The following WDR70 variants were observed in gnomAD, a reference collection of about 807,000 sequenced individuals.
WDR70 encodes the protein WD repeat domain 70.
A neutral mutation model predicts 88.6 loss-of-function variants in WDR70; 53 were observed. The ratio of observed to expected loss-of-function variants is 0.60; its 90% CI spans 0.48 to 0.75. WDR70 has a LOEUF of 0.75. Among genes scored for constraint, WDR70 ranks in the 30% least tolerant of loss-of-function variants. WDR70 has a pLI of 0.00. For synonymous variants in WDR70, 280 were observed against 270.0 expected (o/e 1.04, Z -0.36); for missense variants, 610 against 823.2 (o/e 0.74, Z 3.17).
intron 13 of WDR70, 55 bp from the exon 14 acceptor site, chr5:37,721,059 AT>A: frequency 6.8e-7 from 1 of 1,472,242 alleles, no homozygotes; most frequent in Non-Finnish European, 9.5e-7. Flanking sequence ...TACCAGCAGG[AT>A]TGTTTCCATT....
chr5:37,562,722 T>C (rs1358270270), intron 9 of WDR70, among the ~76,000 whole-genome samples: 3 of 152,116 alleles, frequency 2.0e-5, no homozygotes, highest in South Asian at 4.1e-4. Context: ...CATTCAACCC[T>C]GAGTGGACAC....
At chr5:37,625,204 T>A (rs573323764) in intron 10 of WDR70, among the ~76,000 whole-genome samples, 2 of 152,304 alleles carry the variant, frequency 1.3e-5, no homozygotes, top group South Asian at 4.1e-4. Flanking sequence ...GTATACTTAG[T>A]AGTAGCCTTG....
At chr5:37,679,579 C>G (rs1416257056) in intron 10 of WDR70, among the ~76,000 whole-genome samples, 1 of 152,188 alleles carries the variant, frequency 6.6e-6, no homozygotes, top group African/African-American at 2.4e-5. Flanking sequence ...GCTATCTGAT[C>G]GTTCCTCTGG....
At chr5:37,672,639 T>C (rs1290073085) in intron 10 of WDR70, among the ~76,000 whole-genome samples, 1 of 152,182 alleles carries the variant, frequency 6.6e-6, no homozygotes, top group Non-Finnish European at 1.5e-5. Context: ...ATTTTCCTGC[T>C]GACCTTCTCC....
At chr5:37,693,244 A>G (rs1045059861) in intron 10 of WDR70, among the ~76,000 whole-genome samples, 1 of 152,268 alleles carries the variant, frequency 6.6e-6, no homozygotes, top group African/African-American at 2.4e-5. Flanking sequence ...TTCCATGCTC[A>G]TGGATAGGAA....
At chr5:37,707,939 AAAAAAAAAAATATATATATATATATATAT>A (rs1747390535) in intron 13 of WDR70, among the ~76,000 whole-genome samples, 2 of 35,520 alleles carry the variant, frequency 5.6e-5, no homozygotes, top group East Asian at 8.0e-4. Flanking sequence ...AAAAAAAAAA[AAAAAAAAAAATATATATATATATATATAT>A]ATATATATAT....
rs373469725 is a variant in WDR70 at position 37,471,186 on chromosome 5, G to A, written c.687-8648G>A. The stretch of plus-strand genomic sequence containing the variant: ...TGTGAGCCACTGCACCAGCCCATTA[G>A]CAGGTATTTCTAATAGATTTTGAAA... On this transcript the variant is annotated intron_variant, in intron 7 of 17. Transcript: ENST00000265107. Among the ~76,000 whole-genome samples the A allele has an allele frequency of 3.3e-5, 5 of 152,248 alleles. No homozygotes were observed. The South Asian group carries it at 1.0e-3, about 32-fold the overall frequency.
At position 37,447,393 on chromosome 5, in the gene WDR70, C is replaced by T. The variant is rs200430270; in HGVS notation, c.686+4021C>T. On this transcript the variant is annotated intron_variant, in intron 7 of 17. Coordinates refer to ENST00000265107, the MANE Select transcript of WDR70 (RefSeq NM_018034.4). ...AAGTCAGTGTGGCGATTCCTCAGGG[C>T]CTAGAACTAGAAATACCATTTGACC... Among the ~76,000 whole-genome samples the T allele has an allele frequency of 1.3e-4, 20 of 151,786 alleles. No homozygotes were observed. In the East Asian group the frequency reaches 3.5e-3, roughly 27 times the overall value.
intron 11 of WDR70, among the ~76,000 whole-genome samples, chr5:37,698,985 A>G (rs543590601): frequency 6.6e-6 from 1 of 152,280 alleles, no homozygotes; most frequent in East Asian, 1.9e-4. Context: ...ATGATTCCCA[A>G]TTAAAATTCT....
chr5:37,440,414 C>G (rs1220270402), intron 6 of WDR70, among the ~76,000 whole-genome samples: 1 of 152,114 alleles, frequency 6.6e-6, no homozygotes, highest in Admixed American at 6.5e-5. Context: ...GGTGCCATCT[C>G]AGCTCACTGC....
At chr5:37,655,985 C>T (rs924781977) in intron 10 of WDR70, among the ~76,000 whole-genome samples, 14 of 152,022 alleles carry the variant, frequency 9.2e-5, no homozygotes, top group Middle Eastern at 3.4e-3. Context: ...CCCTTGCTGG[C>T]GAGGAGTTGT....
intron 5 of WDR70, among the ~76,000 whole-genome samples, chr5:37,432,448 G>T (rs1038692378): frequency 6.6e-6 from 1 of 152,318 alleles, no homozygotes; most frequent in African/African-American, 2.4e-5. Flanking sequence ...GAGTGCAGTG[G>T]CGTGATCTCG....
chr5:37,393,950 G>A (rs912764315), intron 4 of WDR70, among the ~76,000 whole-genome samples: 7 of 152,088 alleles, frequency 4.6e-5, no homozygotes, highest in African/African-American at 1.7e-4. Flanking sequence ...GAAAAGTGCT[G>A]GGATTACAGG....
intron 8 of WDR70, among the ~76,000 whole-genome samples, chr5:37,516,013 A>G (rs1740875904): frequency 6.6e-6 from 1 of 152,144 alleles, no homozygotes. Context: ...CTTTTCTCAC[A>G]TACTTATTTT....
At chr5:37,541,315 A>G (rs1426991017) in intron 9 of WDR70, among the ~76,000 whole-genome samples, 3 of 152,200 alleles carry the variant, frequency 2.0e-5, no homozygotes, top group Non-Finnish European at 1.5e-5. Context: ...TAACTGATGA[A>G]TAATCACTAA....
intron 17 of WDR70, among the ~76,000 whole-genome samples, chr5:37,731,402 A>G (rs1383343544): frequency 6.6e-6 from 1 of 152,186 alleles, no homozygotes; most frequent in East Asian, 1.9e-4. Flanking sequence ...AGTGAATTGG[A>G]TAATATGATA....
At chr5:37,706,778 T>C (rs1747341185) in intron 13 of WDR70, among the ~76,000 whole-genome samples, 1 of 151,648 alleles carries the variant, frequency 6.6e-6, no homozygotes, top group Non-Finnish European at 1.5e-5. Flanking sequence ...CTCTCTCCCC[T>C]CATTTGTTAT....
At chr5:37,653,368 T>C (rs1745460175) in intron 10 of WDR70, among the ~76,000 whole-genome samples, 1 of 152,178 alleles carries the variant, frequency 6.6e-6, no homozygotes, top group South Asian at 2.1e-4. Flanking sequence ...GTTTTTGCTT[T>C]GATGTTCATC....
chr5:37,749,428 A>AC (rs150151261), intron 17 of WDR70, among the ~76,000 whole-genome samples: 6,391 of 152,162 alleles, frequency 0.042, 459 homozygotes, highest in African/African-American at 0.15. Flanking sequence ...AACACCACAC[A>AC]CCAGGGCCTT....
Sources: allele counts gnomAD v4.1 joint callset (sites outside exome capture counted in the v4.1 genomes callset), GRCh38; gene constraint gnomAD v4.1.1; transcripts MANE v1.5; gene names NCBI Gene and HGNC (gene_info 2026-07-23, HGNC 2026-07-21).